RPS13: variants seen among roughly 807,000 people sequenced by gnomAD.
The protein encoded by RPS13 is small ribosomal subunit protein uS15.
Under a neutral mutation model 24.6 loss-of-function variants are expected in RPS13, and 1 was observed. The observed-to-expected ratio is 0.04, with a 90% CI of 0.01 to 0.19. The LOEUF (loss-of-function observed/expected upper bound fraction) is 0.19. Ranked by LOEUF, RPS13 falls within the 10% of genes least tolerant of loss-of-function variation. The probability of loss-of-function intolerance (pLI) is 1.00; values close to 1 mark genes in which losing one functional copy is unlikely to be tolerated. For missense variants in RPS13, 88 were observed against 187.4 expected (o/e 0.47, Z 3.10); for synonymous variants, 69 against 65.3 (o/e 1.06, Z -0.27).
At chr11:17,077,031 A>T (rs1358580326) in intron 3 of RPS13, 137 bp downstream of exon 3, 3 of 677,576 alleles carry the variant, frequency 4.4e-6, no homozygotes, top group African/African-American at 1.8e-5. Flanking sequence ...AGTACATGTG[A>T]AGTGCTTACA....
At chr11:17,076,994 G>A (rs1470483271) in intron 3 of RPS13, 174 bp downstream of exon 3, 5 of 614,542 alleles carry the variant, frequency 8.1e-6, no homozygotes, top group Non-Finnish European at 1.2e-5. Context: ...TTATTTCAAA[G>A]TATTGTGGTC....
rs1412146769 is a variant in RPS13 at position 17,077,610 on chromosome 11, C to T, written c.23+9G>A. The T allele has an allele frequency of 2.7e-6, 4 of 1,496,320 alleles. No individual in the cohort carries two copies. The highest frequency in any genetic ancestry group is 3.6e-6 in the Non-Finnish European group (4 of 1,103,522). 92.7% of individuals were successfully genotyped at this position (1,496,320 alleles called of 1,614,324 possible). ...CGCCCAGCAATCCGGCTTGATGCCC[C>T]GAGCTCACCCGGGAGCATGCATGCG... On this transcript the variant is annotated intron_variant, in intron 1 of 5. Coordinates refer to ENST00000525634, the MANE Select transcript of RPS13 (RefSeq NM_001017.3).
intron 5 of RPS13, chr11:17,074,753 T>C: frequency 3.0e-6 from 2 of 671,154 alleles, no homozygotes; most frequent in South Asian, 1.5e-5. Flanking sequence ...GAGCAATTCA[T>C]GTGAAAATTA....
Position 17,077,258 on chromosome 11 carries a change from T to C in RPS13, c.73-12A>G, listed in dbSNP as rs758082991. On this transcript the variant is annotated splice_polypyrimidine_tract_variant and intron_variant, in intron 2 of 5. Coordinates refer to ENST00000525634, the MANE Select transcript of RPS13 (RefSeq NM_001017.3). ...GTCAACTTCAACCACTGTTATGGAA[T>C]AGAAAGCAGCCTTAGGATGAGAACC... The C allele has an allele frequency of 9.3e-6, 15 of 1,612,430 alleles. No homozygotes were observed. Among genetic ancestry groups the C allele is most frequent in the Middle Eastern group, 1.6e-4 (1 of 6,076 alleles).
rs747661747 is a variant in RPS13, at chr11:17,077,221, ACGT to A, written c.95_97del (p.Asp32del). The A allele has an allele frequency of 1.2e-5, 20 of 1,613,884 alleles. 1 individual carries two copies. On this transcript the variant is annotated inframe_deletion, in exon 3 of 6. Transcript: ENST00000525634. ...GGCCAGTTTGTAAATCTGCTCCTTC[ACGT>A]CGTCAGATGTCAACTTCAACCACTG...
Position 17,076,997 on chromosome 11 carries a change from T to C in RPS13, c.151+171A>G, listed in dbSNP as rs550168151. On this transcript the variant is annotated intron_variant, in intron 3 of 5. Coordinates refer to ENST00000525634, the MANE Select transcript of RPS13 (RefSeq NM_001017.3). ...AGCCATGAAGATTTATTTCAAAGTATTGTGGTCAGAATTAAACGAAATCAG... is the reference window on the plus strand; with the variant it reads ...AGCCATGAAGATTTATTTCAAAGTACTGTGGTCAGAATTAAACGAAATCAG... 46 of 622,558 alleles carry C rather than the reference T, an allele frequency of 7.4e-5. 1 individual carries two copies. In the South Asian group the frequency reaches 8.4e-4, roughly 11 times the overall value. The allele number at this position is 622,558 out of a possible 1,614,324, so 38.6% of individuals were successfully genotyped here.
chr11:17,075,819 A>G (rs757544694), intron 3 of RPS13, 196 bp from the exon 4 acceptor site: 1 of 678,854 alleles, frequency 1.5e-6, no homozygotes. Flanking sequence ...ACACTAAGGA[A>G]AACCTTTCTG....
At chr11:17,077,343 G>C (rs1442104392) in intron 2 of RPS13, 86 bp downstream of exon 2, 17 of 1,579,162 alleles carry the variant, frequency 1.1e-5, no homozygotes, top group East Asian at 2.3e-5. Context: ...CCTCATACAC[G>C]CAAGTTCCTC....
At chr11:17,074,749 TTCATGTGAAAA>T (rs746235524) in intron 5 of RPS13, 1 of 672,546 alleles carries the variant, frequency 1.5e-6, no homozygotes, top group South Asian at 1.5e-5. Context: ...TAGTGAGCAA[TTCATGTGAAAA>T]TTAATTCAAA....
At position 17,075,575 on chromosome 11, in the gene RPS13, G is replaced by A. The variant is rs1265316997; in HGVS notation, c.200C>T (p.Thr67Ile). ...AAGAATTCTTAAAATTTTATTGCCT[G>A]TCACAAAACGTACTTGTGCAACACC... ...SHGVAQVRFV[T>I]GNKILRILKS... Residue 67 changes from threonine to isoleucine, a missense_variant, in exon 4 of 6, where the codon ACA becomes ATA. Physicochemically the swap from Thr to Ile is moderately conservative, Grantham distance 89. Transcript: ENST00000525634. The A allele has an allele frequency of 6.2e-7, 1 of 1,610,304 alleles. No homozygotes were observed. The highest frequency in any genetic ancestry group is 2.2e-5 in the East Asian group (1 of 44,854).
At chr11:17,075,824 T>G in intron 3 of RPS13, 2 of 674,486 alleles carry the variant, frequency 3.0e-6, no homozygotes, top group Non-Finnish European at 5.4e-6. Flanking sequence ...AAGGAAAACC[T>G]TTCTGGTGGA....
Position 17,075,439 on chromosome 11 carries a change from T to C in RPS13, c.321+15A>G, listed in dbSNP as rs781190697. The C allele has an allele frequency of 6.5e-7, 1 of 1,539,720 alleles. No individual in the cohort carries two copies. Among genetic ancestry groups the C allele is most frequent in the South Asian group, 1.3e-5 (1 of 78,162 alleles). On this transcript the variant is annotated intron_variant, in intron 4 of 5. Transcript: ENST00000525634. ...AGCAGTCCTACTTAGCACCAGGTTTTATTTATTAGCTTACCTTTCTGTTCC... is the reference window on the plus strand; with the variant it reads ...AGCAGTCCTACTTAGCACCAGGTTTCATTTATTAGCTTACCTTTCTGTTCC...
At chr11:17,077,597 C>T in intron 1 of RPS13, 22 bp downstream of exon 1, 1 of 1,015,468 alleles carries the variant, frequency 9.8e-7, no homozygotes, top group Non-Finnish European at 1.4e-6. Flanking sequence ...CCCAGCAATC[C>T]GGCTTGATGC....
At chr11:17,077,041 AATG>A (rs1190676388) in intron 3 of RPS13, 124 bp downstream of exon 3, 1 of 700,612 alleles carries the variant, frequency 1.4e-6, no homozygotes, top group African/African-American at 1.8e-5. Flanking sequence ...AAGTGCTTAC[AATG>A]ATGCCTCTAG....
Position 17,077,514 on chromosome 11 carries a change from T to C in RPS13, c.24-37A>G, listed in dbSNP as rs762947626. 22 of 1,613,738 alleles carry C rather than the reference T, an allele frequency of 1.4e-5. No homozygotes were observed. In the East Asian group the frequency reaches 4.2e-4, roughly 31 times the overall value. On this transcript the variant is annotated intron_variant, in intron 1 of 5. Coordinates refer to ENST00000525634, the MANE Select transcript of RPS13 (RefSeq NM_001017.3). ...AGCAGTCTCGAGGTGAGGTGGCGGC[T>C]AGTGCCAGAGCAGCCCAGAACATCA...
intron 2 of RPS13, 46 bp downstream of exon 2, chr11:17,077,383 G>A: frequency 1.9e-6 from 3 of 1,596,422 alleles, no homozygotes; most frequent in Non-Finnish European, 2.6e-6. Context: ...CGAGACAAAT[G>A]CCAACCCCCT....
chr11:17,077,377 A>T (rs993726270), intron 2 of RPS13, 52 bp downstream of exon 2: 4 of 1,594,348 alleles, frequency 2.5e-6, no homozygotes, highest in Non-Finnish European at 2.6e-6. Context: ...TTCACCCGAG[A>T]CAAATGCCAA....
At chr11:17,076,416 C>T in intron 3 of RPS13, 1 of 293,170 alleles carries the variant, frequency 3.4e-6, no homozygotes, top group Non-Finnish European at 6.8e-6. Flanking sequence ...ATTAGCTGGG[C>T]CTGCTGGCGG....
At chr11:17,074,667 CAAGG>C in intron 5 of RPS13, 2 of 709,048 alleles carry the variant, frequency 2.8e-6, no homozygotes, top group South Asian at 1.5e-5. Flanking sequence ...CTCAGACATC[CAAGG>C]AAGAACTGGC....
Sources: allele counts gnomAD v4.1 joint callset, GRCh38; gene constraint gnomAD v4.1.1; transcripts MANE v1.5; gene names NCBI Gene and HGNC (gene_info 2026-07-23, HGNC 2026-07-21).